Variants in CSMD2 observed in about 807,000 individuals in gnomAD.
The protein encoded by CSMD2 is CUB and sushi domain-containing protein 2.
A neutral mutation model predicts 398.5 loss-of-function variants in CSMD2; 130 were observed. The observed-to-expected ratio is 0.33, with a 90% CI of 0.28 to 0.38. CSMD2 has a LOEUF of 0.38. CSMD2 is among the 10% of genes least tolerant of loss of function. The pLI is 1.00. For missense variants in CSMD2, 3,829 were observed against 4,764.9 expected (o/e 0.80, Z 5.78); for synonymous variants, 1,828 against 1,908.5 (o/e 0.96, Z 1.10).
At chr1:34,049,228 T>G (rs1035623139) in intron 2 of CSMD2, among the ~76,000 whole-genome samples, 3 of 152,326 alleles carry the variant, frequency 2.0e-5, no homozygotes, top group African/African-American at 7.2e-5. Context: ...GGGCCTCATC[T>G]GTAGACAAGA....
At chr1:33,913,882 A>T (rs1274814131) in intron 5 of CSMD2, among the ~76,000 whole-genome samples, 1 of 151,994 alleles carries the variant, frequency 6.6e-6, no homozygotes, top group African/African-American at 2.4e-5. Context: ...GAGGAGACAG[A>T]TTCTGGATCT....
intron 1 of CSMD2, among the ~76,000 whole-genome samples, chr1:34,150,421 G>GTTAA (rs1176056967): frequency 6.6e-6 from 1 of 152,140 alleles, no homozygotes; most frequent in Non-Finnish European, 1.5e-5. Context: ...CTGTACAGTG[G>GTTAA]TTAAGCCTAT....
chr1:33,861,847 T>C (rs1360443897), intron 5 of CSMD2, among the ~76,000 whole-genome samples: 1 of 152,190 alleles, frequency 6.6e-6, no homozygotes, highest in Non-Finnish European at 1.5e-5. Flanking sequence ...TGAGGACCAG[T>C]GACCTTCAGT....
chr1:33,671,826 G>T (rs1644510162), intron 25 of CSMD2, among the ~76,000 whole-genome samples: 1 of 152,198 alleles, frequency 6.6e-6, no homozygotes, highest in Non-Finnish European at 1.5e-5. Flanking sequence ...CTGCCCACAG[G>T]CAAAACTTGC....
At chr1:33,539,860 T>A (rs1028578434) in intron 60 of CSMD2, among the ~76,000 whole-genome samples, 1 of 152,182 alleles carries the variant, frequency 6.6e-6, no homozygotes, top group South Asian at 2.1e-4. Context: ...AATCCCCAGA[T>A]GGAAGCAAAT....
intron 6 of CSMD2, among the ~76,000 whole-genome samples, chr1:33,830,266 G>C (rs1659372819): frequency 1.3e-5 from 2 of 152,166 alleles, no homozygotes; most frequent in African/African-American, 4.8e-5. Flanking sequence ...CCCCCCAGTA[G>C]GGGCAGACTG....
chr1:34,064,021 G>A (rs571421358), intron 2 of CSMD2, among the ~76,000 whole-genome samples: 279 of 152,312 alleles, frequency 1.8e-3, no homozygotes, highest in Middle Eastern at 6.8e-3. Flanking sequence ...CATGGCTGGA[G>A]TGGCTGGGAC....
chr1:33,621,303 T>A (rs1231437916), intron 37 of CSMD2, among the ~76,000 whole-genome samples: 1 of 152,184 alleles, frequency 6.6e-6, no homozygotes, highest in Non-Finnish European at 1.5e-5. Flanking sequence ...GTGCTCAATG[T>A]TTCTTCACAA....
intron 3 of CSMD2, among the ~76,000 whole-genome samples, chr1:33,972,123 C>G (rs1645793981): frequency 6.6e-6 from 1 of 152,096 alleles, no homozygotes; most frequent in South Asian, 2.1e-4. Context: ...CAGAAACGGA[C>G]TCCCTGGGGA....
chr1:33,743,739 A>G, intron 13 of CSMD2, 133 bp from the exon 14 acceptor site: 1 of 682,430 alleles, frequency 1.5e-6, no homozygotes, highest in Non-Finnish European at 2.4e-6. Context: ...GTTGGGCTGG[A>G]CTGGCTGGGC....
At chr1:33,792,585 C>T (rs1166018392) in intron 10 of CSMD2, 59 bp from the exon 11 acceptor site, 5 of 1,142,460 alleles carry the variant, frequency 4.4e-6, no homozygotes, top group Non-Finnish European at 6.7e-6. Context: ...CTTCCAAAGC[C>T]TTGAGGGGAG....
intron 3 of CSMD2, among the ~76,000 whole-genome samples, chr1:33,965,087 G>A (rs557929136): frequency 6.6e-6 from 1 of 152,326 alleles, no homozygotes; most frequent in South Asian, 2.1e-4. Flanking sequence ...TGTCCCTCTA[G>A]GTTGCCTCAA....
At position 34,037,742 on chromosome 1, in the gene CSMD2, A is replaced by G. The variant is rs1023211514; in HGVS notation, c.405-5036T>C. ...AACCTCACCAGGCCTTCTCCTATGAAGTCCTCTCTGAGAATGGCATTCCTC... is the reference window on the plus strand; with the variant it reads ...AACCTCACCAGGCCTTCTCCTATGAGGTCCTCTCTGAGAATGGCATTCCTC... On this transcript the variant is annotated intron_variant, in intron 2 of 70. Coordinates refer to ENST00000373381, the MANE Select transcript of CSMD2 (RefSeq NM_001281956.2). 2.6e-5 allele frequency among the ~76,000 whole-genome samples: 4 copies of G among 152,192 alleles called. No homozygotes were observed. In the South Asian group the frequency reaches 6.2e-4, roughly 24 times the overall value.
chr1:33,541,632 T>C (rs936247354), intron 58 of CSMD2, among the ~76,000 whole-genome samples: 1 of 152,170 alleles, frequency 6.6e-6, no homozygotes, highest in Non-Finnish European at 1.5e-5. Context: ...ACACCCAGCT[T>C]GCCCATTTTA....
chr1:33,915,549 A>G (rs1643679095), intron 5 of CSMD2, among the ~76,000 whole-genome samples: 1 of 152,226 alleles, frequency 6.6e-6, no homozygotes, highest in Non-Finnish European at 1.5e-5. Context: ...GTGACTTAAT[A>G]GGAAAAGGAA....
At chr1:34,018,560 C>T (rs1648453340) in intron 3 of CSMD2, among the ~76,000 whole-genome samples, 1 of 152,210 alleles carries the variant, frequency 6.6e-6, no homozygotes, top group Non-Finnish European at 1.5e-5. Context: ...CTGCATCATA[C>T]CCACCGAAGT....
At chr1:33,862,482 G>A (rs1639614165) in intron 5 of CSMD2, 1 of 152,006 alleles carries the variant, frequency 6.6e-6, no homozygotes, top group South Asian at 2.1e-4. Flanking sequence ...GAAAGGAGCT[G>A]TGTCCCATTC....
chr1:33,636,614 T>C lies in CSMD2; in HGVS notation c.4775-60A>G, dbSNP rs900778748. 2 of 1,474,822 alleles carry C rather than the reference T, an allele frequency of 1.4e-6. No homozygotes were observed. Among genetic ancestry groups the C allele is most frequent in the Non-Finnish European group, 1.9e-6 (2 of 1,065,324 alleles). The allele number at this position is 1,474,822 out of a possible 1,614,324, so 91.4% of individuals were successfully genotyped here. ...CAGAGGGCTCATGAGGAGGCTATTC[T>C]TGGGCTCCAGTGCCCATGAGGAGAA... is the stretch of plus-strand genomic sequence containing the variant. On this transcript the variant is annotated intron_variant, in intron 29 of 70. Transcript: ENST00000373381. This position sits in a 1 kb window ranked among gnomAD's most constrained non-coding sequence, Gnocchi z 4.8.
intron 5 of CSMD2, chr1:33,864,456 G>C (rs1570318315): frequency 5.0e-6 from 8 of 1,613,802 alleles, no homozygotes; most frequent in Non-Finnish European, 6.8e-6. Flanking sequence ...GAGAAAGCGG[G>C]ATCCCCAGGA....
Sources: allele counts gnomAD v4.1 joint callset (sites outside exome capture counted in the v4.1 genomes callset), GRCh38; gene constraint gnomAD v4.1.1; non-coding constraint Gnocchi (gnomAD v3.1); transcripts MANE v1.5; gene names NCBI Gene and HGNC (gene_info 2026-07-23, HGNC 2026-07-21).